The following MTMR10 variants were observed in gnomAD, a reference collection of about 807,000 sequenced individuals.
MTMR10 encodes the protein myotubularin-related protein 10.
Under a neutral mutation model 88.1 loss-of-function variants are expected in MTMR10, and 56 were observed. The observed-to-expected ratio is 0.64, with a 90% confidence interval of 0.51 to 0.79. MTMR10 has a LOEUF of 0.79. Ranked by LOEUF, MTMR10 falls within the 30% of genes least tolerant of loss-of-function variation. The pLI is 0.00. For synonymous variants in MTMR10, 380 were observed against 340.9 expected, an observed-to-expected ratio of 1.11 and a Z score of -1.26; for missense variants, 883 against 924.7, an observed-to-expected ratio of 0.95 and a Z score of 0.58.
At chr15:30,935,309 AAAAAAAAG>A (rs1241880449), downstream of MTMR10, among the ~76,000 whole-genome samples, 5 of 151,890 alleles carry the variant, frequency 3.3e-5, no homozygotes, top group African/African-American at 1.2e-4. Flanking sequence ...CCTTGTCTCA[AAAAAAAAG>A]AAAAAAAGAA....
At chr15:30,981,764 T>C (rs571825979) in intron 2 of MTMR10, among the ~76,000 whole-genome samples, 104 of 152,254 alleles carry the variant, frequency 6.8e-4, no homozygotes, top group African/African-American at 2.4e-3. Flanking sequence ...TTTAAAGAGC[T>C]TTAATATGTA....
At chr15:30,983,989 G>T (rs1410954571) in intron 2 of MTMR10, among the ~76,000 whole-genome samples, 1 of 152,132 alleles carries the variant, frequency 6.6e-6, no homozygotes, top group Non-Finnish European at 1.5e-5. Flanking sequence ...AATCTTGAAG[G>T]AAGAAGAGCA....
the MTMR10 span, among the ~76,000 whole-genome samples, chr15:30,930,171 T>C: frequency 6.6e-6 from 1 of 151,536 alleles, no homozygotes. Flanking sequence ...AGCTTTCTTT[T>C]GCTTGCCCTG....
downstream of MTMR10, among the ~76,000 whole-genome samples, chr15:30,935,422 A>G (rs887628592): frequency 2.6e-5 from 4 of 152,224 alleles, no homozygotes; most frequent in African/African-American, 9.7e-5. Flanking sequence ...AGATGCAACC[A>G]TGGACTGAAA....
intron 2 of MTMR10, among the ~76,000 whole-genome samples, chr15:30,982,354 A>T (rs2030638687): frequency 6.6e-6 from 1 of 152,240 alleles, no homozygotes; most frequent in African/African-American, 2.4e-5. Context: ...TAAGCTATTA[A>T]CATTAGCGGA....
rs1417068759 is a variant in MTMR10 at position 30,944,350 on chromosome 15, G to A, written c.1549-1278C>T. On this transcript the variant is annotated intron_variant, in intron 14 of 15. Coordinates refer to ENST00000435680, the MANE Select transcript of MTMR10 (RefSeq NM_017762.3). ...GGGAGGCCGAAGGCAGGCGGATCAC[G>A]AGGTCAGGAGTTCAAGACCAGCCTG... Among the ~76,000 whole-genome samples, 7 of 151,948 alleles carry A rather than the reference G, an allele frequency of 4.6e-5. No individual in the cohort carries two copies. The East Asian group carries it at 5.8e-4, about 13-fold the overall frequency.
intron 12 of MTMR10, 108 bp from the exon 13 acceptor site, chr15:30,948,579 T>G: frequency 8.8e-7 from 1 of 1,139,468 alleles, no homozygotes. Context: ...CTAGGCTGCC[T>G]TCCAAATCTG....
At chr15:30,968,282 T>C (rs2063495345) in intron 5 of MTMR10, 2 of 279,130 alleles carry the variant, frequency 7.2e-6, no homozygotes, top group South Asian at 1.4e-4. Context: ...AAAGTAATTT[T>C]AGTCCAATAA....
In MTMR10 at chr15:30,954,773, T is replaced by TA; in HGVS notation, c.1055dup (p.Cys353MetfsTer3). ...TAAGAATGAAATTACCATTAACGCA[T>TA]AGCTGCTTCAGTTTTACAAATGCTG... On this transcript the variant is annotated frameshift_variant, in exon 10 of 16. Transcript: ENST00000435680. LOFTEE classifies it high-confidence loss of function. 1 of 1,601,368 alleles carries TA rather than the reference T, an allele frequency of 6.2e-7. No individual in the cohort carries two copies. The highest frequency in any genetic ancestry group is 8.5e-7 in the Non-Finnish European group (1 of 1,174,626).
In MTMR10 at chr15:30,991,550, C is replaced by T. The variant is rs1022174383; in HGVS notation, c.-44G>A. 1 of 1,529,992 alleles carries T rather than the reference C, an allele frequency of 6.5e-7. No individual in the cohort carries two copies. Among genetic ancestry groups the T allele is most frequent in the Non-Finnish European group, 8.7e-7 (1 of 1,146,886 alleles). The allele number at this position is 1,529,992 out of a possible 1,614,324, so 94.8% of individuals were successfully genotyped here. ...CCCCGTTCCCGTCGCGGGCCAGTGG[C>T]AGCGCCGACGCCTCCGGGCGTAAAG... On this transcript the variant is annotated 5_prime_UTR_variant, in exon 1 of 16. Coordinates refer to ENST00000435680, the MANE Select transcript of MTMR10 (RefSeq NM_017762.3).
the MTMR10 span, among the ~76,000 whole-genome samples, chr15:30,929,556 A>G: frequency 9.6e-6 from 1 of 104,370 alleles, no homozygotes; most frequent in Non-Finnish European, 1.9e-5. Flanking sequence ...TATAAAATAT[A>G]TATTATATCT....
At position 30,967,362 on chromosome 15, in the gene MTMR10, T is replaced by C. The variant is rs144556943; in HGVS notation, c.565+558A>G. ...GGTCATGTCATGACTGTCAGATATA[T>C]AGACAAAACTATTTACTTTCACAAA... On this transcript the variant is annotated intron_variant, in intron 6 of 15. Transcript: ENST00000435680. 3.4e-3 allele frequency among the ~76,000 whole-genome samples: 516 copies of C among 152,304 alleles called. 2 individuals are homozygous for C. The highest frequency in any genetic ancestry group is 0.011 in the African/African-American group (459 of 41,562).
chr15:30,950,967 CA>C (rs1212293725), intron 12 of MTMR10, among the ~76,000 whole-genome samples: 2 of 151,666 alleles, frequency 1.3e-5, no homozygotes, highest in African/African-American at 4.9e-5. Context: ...ATAATGACAA[CA>C]AAAAAAAAGT....
intron 7 of MTMR10, 69 bp from the exon 8 acceptor site, chr15:30,959,190 TATAA>T: frequency 1.5e-6 from 2 of 1,338,276 alleles, no homozygotes; most frequent in Admixed American, 2.3e-5. Flanking sequence ...CTGCAGACCC[TATAA>T]ATAATTAAGC....
intron 7 of MTMR10, among the ~76,000 whole-genome samples, chr15:30,960,036 CTG>C (rs150816835): frequency 3.9e-4 from 60 of 152,304 alleles, no homozygotes; most frequent in Non-Finnish European, 8.4e-4. Flanking sequence ...CTTGTACGAA[CTG>C]TGTTACAGGG....
chr15:30,971,113 A>G (rs1328054727), intron 5 of MTMR10, among the ~76,000 whole-genome samples: 1 of 152,108 alleles, frequency 6.6e-6, no homozygotes, highest in Admixed American at 6.5e-5. Flanking sequence ...TTTTACATAC[A>G]CACTATTTTA....
At chr15:30,984,542 C>G (rs1473742462) in intron 2 of MTMR10, among the ~76,000 whole-genome samples, 1 of 152,192 alleles carries the variant, frequency 6.6e-6, no homozygotes, top group Middle Eastern at 3.4e-3. Flanking sequence ...GAATTAACAA[C>G]CCAACTGAGG....
intron 2 of MTMR10, among the ~76,000 whole-genome samples, chr15:30,978,053 G>A (rs1316969721): frequency 6.6e-6 from 1 of 152,094 alleles, no homozygotes; most frequent in Non-Finnish European, 1.5e-5. Flanking sequence ...TCACTGCTCT[G>A]CCCACAGTGG....
downstream of MTMR10, chr15:30,937,406 T>TCAA: frequency 1.4e-6 from 1 of 716,062 alleles, no homozygotes; most frequent in Non-Finnish European, 2.2e-6. Context: ...AAACAGTGTT[T>TCAA]GCTTGAATAC....
Sources: gnomAD v4.1 joint callset for allele counts (sites outside exome capture counted in the v4.1 genomes callset) on GRCh38, gnomAD v4.1.1 for gene constraint, MANE v1.5 for transcripts, NCBI Gene and HGNC (gene_info 2026-07-23, HGNC 2026-07-21) for gene names.